Variants in CELF4 observed in about 807,000 individuals in gnomAD.
The protein encoded by CELF4 is CUG-BP- and ETR-3-like factor 4.
A neutral mutation model predicts 59.9 loss-of-function variants in CELF4; 18 were observed. The ratio of observed to expected loss-of-function variants is 0.30; its 90% CI spans 0.21 to 0.45. The LOEUF (loss-of-function observed/expected upper bound fraction) is 0.45. Among genes scored for constraint, CELF4 ranks in the 20% least tolerant of loss-of-function variants. The probability of loss-of-function intolerance (pLI) is 1.00; values close to 1 mark genes in which losing one functional copy is unlikely to be tolerated. For missense variants in CELF4, 456 were observed against 689.0 expected (o/e 0.66, Z 3.79); for synonymous variants, 261 against 267.1 (o/e 0.98, Z 0.22).
At chr18:37,507,054 G>C (rs1259938347) in intron 1 of CELF4, among the ~76,000 whole-genome samples, 1 of 152,162 alleles carries the variant, frequency 6.6e-6, no homozygotes, top group Non-Finnish European at 1.5e-5. Flanking sequence ...TTGCCAGGAG[G>C]GTGTCTCAGG....
chr18:37,523,903 A>G (rs1451428973), intron 1 of CELF4, among the ~76,000 whole-genome samples: 3 of 152,236 alleles, frequency 2.0e-5, no homozygotes, highest in African/African-American at 4.8e-5. Context: ...CTTGCAACTC[A>G]GGCTCACTGA....
Position 37,271,003 on chromosome 18 carries a change from A to G in CELF4, c.950-86T>C. 1.5e-5 allele frequency: 18 copies of G among 1,219,646 alleles called. 1 individual carries two copies. The South Asian group carries it at 2.8e-4, about 19-fold the overall frequency. 75.6% of individuals were successfully genotyped at this position (1,219,646 alleles called of 1,614,324 possible). A position where few individuals can be genotyped will look rare whatever the true frequency, so the allele number is the denominator to read the frequency against. ...AAGGCCCACCCATAAAGCTTCACTC[A>G]ACTGTTTCCAAGGACCTGCGGATAG... On this transcript the variant is annotated intron_variant, in intron 7 of 12. Transcript: ENST00000420428.
chr18:37,542,466 C>T (rs1034859715), intron 1 of CELF4, among the ~76,000 whole-genome samples: 5 of 152,194 alleles, frequency 3.3e-5, no homozygotes, highest in South Asian at 2.1e-4. Context: ...TAGGCACAGG[C>T]GCTCTTCCCC....
At chr18:37,300,379 C>A (rs921142590) in intron 3 of CELF4, among the ~76,000 whole-genome samples, 9 of 152,160 alleles carry the variant, frequency 5.9e-5, no homozygotes, top group African/African-American at 1.9e-4. Flanking sequence ...CACCTGCCAC[C>A]GCACTTGGCT....
In CELF4 at chr18:37,254,096, C is replaced by T. The variant is rs2067436212; in HGVS notation, c.1334-158G>A. On this transcript the variant is annotated intron_variant, in intron 11 of 12. Coordinates refer to ENST00000420428, the MANE Select transcript of CELF4 (RefSeq NM_020180.4). The surrounding 1 kb of genome is among the most constrained non-coding windows in gnomAD (Gnocchi z 5.1). ...GCCCCGGTGCCCGCCCCTCTCCAGC[C>T]CGCGCGCGCGTGCTAGGCCCCTCCG... The T allele has an allele frequency of 7.8e-6, 3 of 382,826 alleles. No homozygotes were observed. Among genetic ancestry groups the T allele is most frequent in the Non-Finnish European group, 1.2e-5 (3 of 247,718 alleles). 23.7% of individuals were successfully genotyped at this position (382,826 alleles called of 1,614,324 possible).
intron 2 of CELF4, among the ~76,000 whole-genome samples, chr18:37,455,187 A>G (rs769470898): frequency 1.3e-5 from 2 of 152,210 alleles, no homozygotes; most frequent in Admixed American, 6.5e-5. Context: ...TAATGCATTG[A>G]GAGGTGGGAG....
chr18:37,421,389 A>C (rs915093001), intron 2 of CELF4, among the ~76,000 whole-genome samples: 5 of 152,140 alleles, frequency 3.3e-5, no homozygotes, highest in Admixed American at 3.3e-4. Flanking sequence ...CTCCTTAAAC[A>C]CAGGGCGGTT....
intron 1 of CELF4, among the ~76,000 whole-genome samples, chr18:37,546,432 A>C (rs1237310133): frequency 6.6e-6 from 1 of 152,178 alleles, no homozygotes; most frequent in Non-Finnish European, 1.5e-5. Context: ...CTGCAGAGTA[A>C]AAGGCTACCA....
At chr18:37,518,300 A>G (rs953193635) in intron 1 of CELF4, among the ~76,000 whole-genome samples, 1 of 152,128 alleles carries the variant, frequency 6.6e-6, no homozygotes, top group Non-Finnish European at 1.5e-5. Context: ...TTTTTATTGA[A>G]CTTTATAAAT....
rs370181176 is a variant in CELF4 at position 37,311,824 on chromosome 18, G to A, written c.448+9979C>T. Among the ~76,000 whole-genome samples the A allele has an allele frequency of 1.5e-3, 221 of 142,678 alleles. 6 individuals carry two copies. In the South Asian group the frequency reaches 0.047, roughly 31 times the overall value. 93.6% of individuals were successfully genotyped at this position (142,678 alleles called of 152,430 possible). A position where few individuals can be genotyped will look rare whatever the true frequency, so the allele number is the denominator to read the frequency against. On this transcript the variant is annotated intron_variant, in intron 3 of 12. Transcript: ENST00000420428. ...AAAAAAAATTAAGTCAGAAGGAACA[G>A]GGATCGTCCGGGCGCGGTGGCTTAT... is the stretch of plus-strand genomic sequence containing the variant.
intron 2 of CELF4, among the ~76,000 whole-genome samples, chr18:37,344,159 T>G (rs1603620444): frequency 6.6e-6 from 1 of 152,112 alleles, no homozygotes; most frequent in African/African-American, 2.4e-5. Flanking sequence ...CCTCGAGAGG[T>G]TGAGTTCTGC....
chr18:37,269,403 T>C (rs2090042762), intron 8 of CELF4, among the ~76,000 whole-genome samples: 1 of 152,202 alleles, frequency 6.6e-6, no homozygotes, highest in East Asian at 1.9e-4. Flanking sequence ...CTGCTGCTAG[T>C]GGGACTTTTA....
chr18:37,530,459 C>A (rs1054288687), intron 1 of CELF4, among the ~76,000 whole-genome samples: 1 of 152,156 alleles, frequency 6.6e-6, no homozygotes, highest in African/African-American at 2.4e-5. Context: ...AGGGGAGAAG[C>A]AAATCCACCA....
rs572155707 is a variant in CELF4 at position 37,423,014 on chromosome 18, C to T, written c.369+62511G>A. 3.0e-3 allele frequency among the ~76,000 whole-genome samples: 205 copies of T among 69,048 alleles called. 2 individuals carry two copies. Among genetic ancestry groups the T allele is most frequent in the African/African-American group, 6.6e-3 (201 of 30,376 alleles). The allele number at this position is 69,048 out of a possible 152,430, so 45.3% of individuals were successfully genotyped here. A position where few individuals can be genotyped will look rare whatever the true frequency, so the allele number is the denominator to read the frequency against. ...CTGGGTAGGATATGGGAGCAGCTAG[C>T]GGTGCCTAAACATTGTGCAGGTTCT... On this transcript the variant is annotated intron_variant, in intron 2 of 12. Coordinates refer to ENST00000420428, the MANE Select transcript of CELF4 (RefSeq NM_020180.4).
Position 37,266,555 on chromosome 18 carries a change from G to A in CELF4, c.1143C>T (p.Ala381=), listed in dbSNP as rs145042940. The change falls in exon 9 of 13, where the codon GCC becomes GCT. Residue 381 remains alanine, a synonymous_variant. Transcript: ENST00000420428. ...TAADPLQQAY[A]GVQQYAGPAA... Reference sequence around the variant, plus strand: ...AACGACCTGCATACTGCTGCACTCCGGCGTAGGCCTGCTGCAGGGGGTCCG... The same window carrying A: ...AACGACCTGCATACTGCTGCACTCCAGCGTAGGCCTGCTGCAGGGGGTCCG... 2.9e-3 allele frequency: 4,590 copies of A among 1,597,166 alleles called. 5 individuals carry two copies. Among genetic ancestry groups the A allele is most frequent in the Non-Finnish European group, 3.6e-3 (4,275 of 1,173,376 alleles).
chr18:37,384,563 G>A (rs765768497), intron 2 of CELF4, among the ~76,000 whole-genome samples: 1 of 152,124 alleles, frequency 6.6e-6, no homozygotes, highest in African/African-American at 2.4e-5. Context: ...ACAGGCCTGG[G>A]ACACTGGCCT....
intron 3 of CELF4, among the ~76,000 whole-genome samples, chr18:37,318,506 A>G: frequency 6.6e-6 from 1 of 151,328 alleles, no homozygotes; most frequent in East Asian, 1.9e-4. Flanking sequence ...ATTATTTTAA[A>G]CTAACTTTCT....
chr18:37,274,986 G>T (rs919495020), intron 4 of CELF4, 102 bp from the exon 5 acceptor site: 2 of 1,537,388 alleles, frequency 1.3e-6, no homozygotes, highest in Non-Finnish European at 1.8e-6. Context: ...GTGAGGCAGA[G>T]ATTGAGAAAG....
At chr18:37,521,825 G>C (rs920972080) in intron 1 of CELF4, among the ~76,000 whole-genome samples, 1 of 152,224 alleles carries the variant, frequency 6.6e-6, no homozygotes, top group Non-Finnish European at 1.5e-5. Flanking sequence ...AGGAAGGCTT[G>C]AGGAGTGACA....
Sources: gnomAD v4.1 joint callset for allele counts (sites outside exome capture counted in the v4.1 genomes callset) on GRCh38, gnomAD v4.1.1 for gene constraint, Gnocchi (gnomAD v3.1) non-coding constraint, MANE v1.5 for transcripts, NCBI Gene and HGNC (gene_info 2026-07-23, HGNC 2026-07-21) for gene names.